The following DDX3Y variants were observed in gnomAD, a reference collection of about 807,000 sequenced individuals.
DDX3Y encodes the protein ATP-dependent RNA helicase DDX3Y.
Under a neutral mutation model 15.1 loss-of-function variants are expected in DDX3Y, and 2 were observed. That is an observed-to-expected ratio of 0.13 (90% CI 0.05 to 0.42). The LOEUF (loss-of-function observed/expected upper bound fraction) is 0.42. Among genes scored for constraint, DDX3Y ranks in the 10% least tolerant of loss-of-function variants. The pLI, the probability that DDX3Y is intolerant of heterozygous loss-of-function variation, is 0.99. For synonymous variants in DDX3Y, 47 were observed against 45.0 expected (o/e 1.04, Z -0.18); for missense variants, 81 against 149.9 (o/e 0.54, Z 2.40).
intron 6 of DDX3Y, 38 bp from the exon 7 acceptor site, chrY:12,913,680 T>C: frequency 2.6e-6 from 1 of 384,206 alleles, no homozygotes; most frequent in Non-Finnish European, 3.7e-6. Flanking sequence ...CTTCTGTATT[T>C]ACTTGTATTT....
Position 12,915,994 on chromosome Y carries a change from C to T in DDX3Y, c.1276C>T (p.Arg426Trp). The T allele has an allele frequency of 2.5e-6, 1 of 397,582 alleles. No homozygotes were observed. Among genetic ancestry groups the T allele is most frequent in the Non-Finnish European group, 3.5e-6 (1 of 282,568 alleles). ...AGTTTGGGTGGAAGACTTAGATAAA[C>T]GGTCATTTCTACTGGACATTTTAGG... ...KVVWVEDLDK[R>W]SFLLDILGAT... The change falls in exon 12 of 17, where the codon CGG becomes TGG. Residue 426 changes from arginine (R) to tryptophan (W), a missense_variant. Arg to Trp is a moderately radical substitution (Grantham distance 101). Around this residue, in one of 2 missense-constraint regions of DDX3Y, gnomAD observed 52 missense variants for 122.8 expected, o/e 0.42. Transcript: ENST00000336079.
intron 1 of DDX3Y, chrY:12,905,743 A>G: frequency 3.2e-6 from 1 of 313,651 alleles, no homozygotes; most frequent in Non-Finnish European, 4.3e-6. Context: ...GTAGGGAAGG[A>G]TGGCTGCCGC....
At chrY:12,908,869 G>T in intron 2 of DDX3Y, among the ~76,000 whole-genome samples, 2 of 31,725 alleles carry the variant, frequency 6.3e-5, no homozygotes, top group African/African-American at 1.2e-4. Context: ...TTTTTTTTTA[G>T]TAGAGACAGG....
In DDX3Y at chrY:12,920,271, A is replaced by G; in HGVS notation, c.*2149A>G. On this transcript the variant is annotated 3_prime_UTR_variant, in exon 17 of 17. Transcript: ENST00000336079. ...TTGTCTGGTATATTTACAGTCCTCAAACATGGTTATTTCTGTCAGTGACTT... is the reference window on the plus strand; with the variant it reads ...TTGTCTGGTATATTTACAGTCCTCAGACATGGTTATTTCTGTCAGTGACTT... 3.0e-5 allele frequency: 1 copy of G among 33,687 alleles called. No homozygotes were observed. The highest frequency in any genetic ancestry group is 7.4e-5 in the Non-Finnish European group (1 of 13,557). The allele number at this position is 33,687 out of a possible 400,897, so 8.4% of individuals were successfully genotyped here. A position where few individuals can be genotyped will look rare whatever the true frequency, so the allele number is the denominator to read the frequency against.
chrY:12,910,982 C>G, intron 3 of DDX3Y, among the ~76,000 whole-genome samples: 1 of 29,410 alleles, frequency 3.4e-5, no homozygotes. Context: ...GCGATCTCAG[C>G]TCACTGCAAG....
At chrY:12,913,654 A>G (rs2053636237) in intron 6 of DDX3Y, 64 bp from the exon 7 acceptor site, 4 of 337,253 alleles carry the variant, frequency 1.2e-5, no homozygotes, top group African/African-American at 6.8e-5. Flanking sequence ...ACAGCATTTT[A>G]TATCTGCTAT....
upstream of DDX3Y, chrY:12,904,362 T>G (rs1324882392): frequency 2.7e-5 from 1 of 37,143 alleles, no homozygotes; most frequent in African/African-American, 1.2e-4. Flanking sequence ...CTTATCTATC[T>G]TGGCTTCAGA....
In DDX3Y at chrY:12,913,769, C is replaced by T; in HGVS notation, c.589C>T (p.Arg197Cys). The change falls in exon 7 of 17, where the codon CGC becomes TGC. Residue 197 changes from arginine to cysteine, a missense_variant. This residue lies in a region of DDX3Y where 52 missense variants were observed against 122.8 expected (regional missense o/e 0.42). Coordinates refer to ENST00000336079, the MANE Select transcript of DDX3Y (RefSeq NM_004660.5). ...EIIMGNIELTRYTRPTPVQKH... is the reference protein window; with the variant it reads ...EIIMGNIELTCYTRPTPVQKH... ...TATCATGGGGAACATTGAACTTACT[C>T]GCTATACTCGTCCTACTCCAGTGCA... 1 of 396,343 alleles carries T rather than the reference C, an allele frequency of 2.5e-6. No homozygotes were observed. Among genetic ancestry groups the T allele is most frequent in the Non-Finnish European group, 3.6e-6 (1 of 281,454 alleles).
At chrY:12,912,448 G>A in intron 4 of DDX3Y, among the ~76,000 whole-genome samples, 2 of 33,752 alleles carry the variant, frequency 5.9e-5, no homozygotes, top group African/African-American at 1.2e-4. Flanking sequence ...TACGTAACTA[G>A]TTATAAGTAT....
chrY:12,906,980 A>G (rs2053613813), intron 1 of DDX3Y, among the ~76,000 whole-genome samples: 1 of 31,974 alleles, frequency 3.1e-5, no homozygotes, highest in Non-Finnish European at 7.6e-5. Flanking sequence ...AGTATCGAAC[A>G]TTAAGTGACA....
upstream of DDX3Y, among the ~76,000 whole-genome samples, chrY:12,904,660 T>G (rs578152799): frequency 6.0e-5 from 2 of 33,598 alleles, no homozygotes; most frequent in South Asian, 6.5e-4. Flanking sequence ...CGCGCGAATT[T>G]TGAGAGGCGC....
chrY:12,911,553 TA>T (rs2053627999), intron 3 of DDX3Y, among the ~76,000 whole-genome samples: 1 of 33,801 alleles, frequency 3.0e-5, no homozygotes, highest in Non-Finnish European at 7.3e-5. Context: ...CATTTACACT[TA>T]AAAAATGAAT....
At chrY:12,907,732 G>A in intron 2 of DDX3Y, 138 bp downstream of exon 2, 1 of 102,044 alleles carries the variant, frequency 9.8e-6, no homozygotes, top group Non-Finnish European at 1.8e-5. Flanking sequence ...TGGTGTGTCT[G>A]GGTAATAAAA....
Position 12,915,277 on chromosome Y carries a change from G to A in DDX3Y, c.1019+50G>A, listed in dbSNP as rs758859334. ...TGCATCTATTTCTGTATTAAAAGTT[G>A]ATTACTTTTGTTGTATTTTACTAGT... On this transcript the variant is annotated intron_variant, in intron 10 of 16. Coordinates refer to ENST00000336079, the MANE Select transcript of DDX3Y (RefSeq NM_004660.5). 1.1e-5 allele frequency: 4 copies of A among 359,954 alleles called. No homozygotes were observed. In the Admixed American group the frequency reaches 3.0e-4, roughly 27 times the overall value. The allele number at this position is 359,954 out of a possible 400,897, so 89.8% of individuals were successfully genotyped here.
chrY:12,910,046 A>G, intron 3 of DDX3Y, among the ~76,000 whole-genome samples: 1 of 33,498 alleles, frequency 3.0e-5, no homozygotes, highest in African/African-American at 1.2e-4. Flanking sequence ...GAAAGAAGGT[A>G]ATGATAAAGG....
chrY:12,910,140 T>G (rs2053623559), intron 3 of DDX3Y, among the ~76,000 whole-genome samples: 1 of 33,417 alleles, frequency 3.0e-5, no homozygotes, highest in Non-Finnish European at 7.4e-5. Flanking sequence ...CTAATGATTG[T>G]ATTATTTTTT....
At position 12,917,037 on chromosome Y, in the gene DDX3Y, T is replaced by C; in HGVS notation, c.1740T>C (p.Gly580=). 4.3e-5 allele frequency: 17 copies of C among 397,990 alleles called. No homozygotes were observed. Among genetic ancestry groups the C allele is most frequent in the Non-Finnish European group, 6.0e-5 (17 of 282,948 alleles). Residue 580 remains glycine, a synonymous_variant, in exon 15 of 17, where the codon GGT becomes GGC. Transcript: ENST00000336079. ...TGGCTTATGAACACCACTACAAGGGTGGCAGTCGTGGACGATCTAAAAGGT... is the reference window on the plus strand; with the variant it reads ...TGGCTTATGAACACCACTACAAGGGCGGCAGTCGTGGACGATCTAAAAGGT... ...ENMAYEHHYK[G]GSRGRSKSNR...
chrY:12,920,134 A>C lies in DDX3Y; in HGVS notation c.*2012A>C. The C allele has an allele frequency of 3.0e-5, 1 of 33,727 alleles. No individual in the cohort carries two copies. The highest frequency in any genetic ancestry group is 1.2e-4 in the African/African-American group (1 of 8,605). The allele number at this position is 33,727 out of a possible 400,897, so 8.4% of individuals were successfully genotyped here. A position where few individuals can be genotyped will look rare whatever the true frequency, so the allele number is the denominator to read the frequency against. Reference sequence around the variant, plus strand: ...CTAAAACATGCCAAGGTTTTGATATACTTGTCTTAAGATATTAATGAAACA... The same window carrying C: ...CTAAAACATGCCAAGGTTTTGATATCCTTGTCTTAAGATATTAATGAAACA... On this transcript the variant is annotated 3_prime_UTR_variant, in exon 17 of 17. Coordinates refer to ENST00000336079, the MANE Select transcript of DDX3Y (RefSeq NM_004660.5).
At chrY:12,911,489 A>G in intron 3 of DDX3Y, among the ~76,000 whole-genome samples, 1 of 33,804 alleles carries the variant, frequency 3.0e-5, no homozygotes, top group Admixed American at 2.7e-4. Flanking sequence ...TAGCTTAAAA[A>G]AAGACTCATC....
Sources: allele counts gnomAD v4.1 joint callset (sites outside exome capture counted in the v4.1 genomes callset), GRCh38; gene constraint gnomAD v4.1.1; regional missense constraint gnomAD v4.1.1; transcripts MANE v1.5; gene names NCBI Gene and HGNC (gene_info 2026-07-23, HGNC 2026-07-21).